Variants in ZNF683 observed in about 807,000 individuals in gnomAD.
ZNF683 encodes tissue-resident T-cell transcription regulator protein ZNF683.
ZNF683 carries 20 observed loss-of-function variants against 31.4 expected under a neutral mutation model. The observed-to-expected ratio is 0.64, with a 90% CI of 0.45 to 0.93. The LOEUF is 0.93. Ranked by LOEUF, ZNF683 falls within the 40% of genes least tolerant of loss-of-function variation. The pLI is 0.00. For synonymous variants in ZNF683, 264 were observed against 267.6 expected (o/e 0.99, Z 0.13); for missense variants, 621 against 637.2 (o/e 0.97, Z 0.27).
upstream of ZNF683, among the ~76,000 whole-genome samples, chr1:26,373,934 CACA>C (rs1278860761): frequency 1.3e-4 from 20 of 152,266 alleles, no homozygotes; most frequent in Admixed American, 2.6e-4. Context: ...TCCAGAGTCA[CACA>C]ACAAGTAGCC....
chr1:26,370,337 A>T (rs528062741), intron 1 of ZNF683, among the ~76,000 whole-genome samples: 1 of 152,278 alleles, frequency 6.6e-6, no homozygotes, highest in East Asian at 1.9e-4. Flanking sequence ...TGAGTGGACC[A>T]AGCCCCCGGA....
At chr1:26,370,335 C>T (rs1047887925) in intron 1 of ZNF683, among the ~76,000 whole-genome samples, 4 of 152,150 alleles carry the variant, frequency 2.6e-5, no homozygotes, top group African/African-American at 9.7e-5. Flanking sequence ...AATGAGTGGA[C>T]CAAGCCCCCG....
In ZNF683 at chr1:26,368,649, G is replaced by A. The variant is rs1570266685; in HGVS notation, c.-14-64C>T. On this transcript the variant is annotated intron_variant, in intron 1 of 5. Coordinates refer to ENST00000349618, the MANE Select transcript of ZNF683 (RefSeq NM_001114759.3). ...CTCCAAATAGGAGTCTGAGTTCTAG[G>A]ACTGGCTCTCCCATTAACATGCTGC... is the stretch of plus-strand genomic sequence containing the variant. 3.2e-5 allele frequency: 48 copies of A among 1,484,162 alleles called. No individual in the cohort carries two copies. In the East Asian group the frequency reaches 1.1e-3, roughly 35 times the overall value. The allele number at this position is 1,484,162 out of a possible 1,614,324, so 91.9% of individuals were successfully genotyped here.
chr1:26,372,686 T>C lies in ZNF683; in HGVS notation c.-32A>G, dbSNP rs1211161284. ...CAACCTACTCTGGTGATCATGGGCT[T>C]TCCTTGGCTTGGGTCTCTGGTCTGG... On this transcript the variant is annotated 5_prime_UTR_variant, in exon 1 of 6. Coordinates refer to ENST00000349618, the MANE Select transcript of ZNF683 (RefSeq NM_001114759.3). The C allele has an allele frequency of 1.8e-5, 23 of 1,286,354 alleles. No individual in the cohort carries two copies. The East Asian group carries it at 1.1e-3, about 62-fold the overall frequency. 79.7% of individuals were successfully genotyped at this position (1,286,354 alleles called of 1,614,324 possible). A position where few individuals can be genotyped will look rare whatever the true frequency, so the allele number is the denominator to read the frequency against.
intron 1 of ZNF683, among the ~76,000 whole-genome samples, chr1:26,369,945 G>C (rs2074630018): frequency 6.6e-6 from 1 of 152,102 alleles, no homozygotes. Flanking sequence ...AGTGAGCTGA[G>C]ATCACACCAC....
intron 3 of ZNF683, among the ~76,000 whole-genome samples, chr1:26,365,460 T>G (rs912973056): frequency 6.6e-6 from 1 of 152,080 alleles, no homozygotes; most frequent in Non-Finnish European, 1.5e-5. Flanking sequence ...AAAGGAGAGG[T>G]CTGAACTGGA....
chr1:26,362,516 C>T (rs769357459), intron 5 of ZNF683, among the ~76,000 whole-genome samples: 69 of 152,312 alleles, frequency 4.5e-4, no homozygotes, highest in Non-Finnish European at 6.8e-4. Flanking sequence ...AGTGAAGCCA[C>T]TAGCCAAAGG....
In ZNF683 at chr1:26,365,017, G is replaced by A. The variant is rs778565271; in HGVS notation, c.529C>T (p.Pro177Ser). The A allele has an allele frequency of 4.4e-6, 7 of 1,587,130 alleles. No individual in the cohort carries two copies. Among genetic ancestry groups the A allele is most frequent in the Non-Finnish European group, 5.1e-6 (6 of 1,168,882 alleles). ...PSPLAFCPCP[P>S]VNSISKELPF... The stretch of plus-strand genomic sequence containing the variant: ...AGCTCCTTGGAGATGGAGTTGACAG[G>A]GGGACAGGGGCAGAAAGCCAAGGGG... Residue 177 changes from proline to serine, a missense_variant, in exon 4 of 6, where the codon CCT becomes TCT. Transcript: ENST00000349618.
intron 1 of ZNF683, among the ~76,000 whole-genome samples, chr1:26,371,743 G>A (rs1193780199): frequency 6.6e-6 from 1 of 151,930 alleles, no homozygotes; most frequent in Non-Finnish European, 1.5e-5. Flanking sequence ...ACCAGCATGA[G>A]CAACATGGTG....
At chr1:26,370,639 C>T (rs909354802) in intron 1 of ZNF683, 4 of 985,762 alleles carry the variant, frequency 4.1e-6, no homozygotes, top group Middle Eastern at 5.2e-4. Context: ...ATACCATGGA[C>T]CCCCGAAGGG....
intron 1 of ZNF683, among the ~76,000 whole-genome samples, chr1:26,371,358 A>G (rs895945332): frequency 3.3e-5 from 5 of 151,642 alleles, no homozygotes; most frequent in African/African-American, 1.2e-4. Flanking sequence ...CCAGCACTTC[A>G]GGAGACCAAG....
At chr1:26,370,616 G>C (rs1200556638) in intron 1 of ZNF683, 4 of 978,092 alleles carry the variant, frequency 4.1e-6, no homozygotes, top group Non-Finnish European at 4.9e-6. Flanking sequence ...CGCTGCTTCA[G>C]GTCTCAAAGC....
At chr1:26,370,206 C>T (rs771867234) in intron 1 of ZNF683, among the ~76,000 whole-genome samples, 2 of 152,170 alleles carry the variant, frequency 1.3e-5, no homozygotes, top group African/African-American at 2.4e-5. Flanking sequence ...AGAGGCCCCC[C>T]ACCAAGGGGA....
chr1:26,373,922 C>T (rs1360965863), upstream of ZNF683, among the ~76,000 whole-genome samples: 1 of 152,188 alleles, frequency 6.6e-6, no homozygotes, highest in Non-Finnish European at 1.5e-5. Flanking sequence ...ATTAGCAGCT[C>T]ATCCAGAGTC....
At chr1:26,368,854 G>A (rs1472089815) in intron 1 of ZNF683, among the ~76,000 whole-genome samples, 1 of 152,230 alleles carries the variant, frequency 6.6e-6, no homozygotes, top group Non-Finnish European at 1.5e-5. Flanking sequence ...GCTCAAGCCT[G>A]TAATCCCAGC....
intron 3 of ZNF683, 73 bp from the exon 4 acceptor site, chr1:26,365,299 T>A (rs1167424555): frequency 7.0e-7 from 1 of 1,429,862 alleles, no homozygotes; most frequent in African/African-American, 1.4e-5. Flanking sequence ...AAACCTGCCC[T>A]GCTCGGGGCT....
intron 5 of ZNF683, 39 bp from the exon 6 acceptor site, chr1:26,362,061 G>A (rs769393594): frequency 6.2e-7 from 1 of 1,613,960 alleles, no homozygotes; most frequent in South Asian, 1.1e-5. Context: ...TTGTCCTCTG[G>A]GCTGGCTCAG....
At chr1:26,373,020 G>A (rs2074702849), upstream of ZNF683, among the ~76,000 whole-genome samples, 1 of 152,218 alleles carries the variant, frequency 6.6e-6, no homozygotes, top group African/African-American at 2.4e-5. Flanking sequence ...TGGTGTGCGT[G>A]AGTCTGGCCC....
chr1:26,366,812 C>G (rs1248540990), intron 3 of ZNF683, among the ~76,000 whole-genome samples: 1 of 152,076 alleles, frequency 6.6e-6, no homozygotes, highest in Admixed American at 6.5e-5. Flanking sequence ...CCTGCCACCA[C>G]CCCCCAGCTA....
Sources: allele counts gnomAD v4.1 joint callset (sites outside exome capture counted in the v4.1 genomes callset), GRCh38; gene constraint gnomAD v4.1.1; transcripts MANE v1.5; gene names NCBI Gene and HGNC (gene_info 2026-07-23, HGNC 2026-07-21).